GABRA2: variants seen among roughly 807,000 people sequenced by gnomAD.
GABRA2 encodes gamma-aminobutyric acid receptor subunit alpha-2.
A neutral mutation model predicts 48.7 loss-of-function variants in GABRA2; 16 were observed. That is an observed-to-expected ratio of 0.33 (90% CI 0.22 to 0.50). The LOEUF is 0.50. GABRA2 is among the 20% of genes least tolerant of loss of function. GABRA2 has a pLI of 0.98. For missense variants in GABRA2, 275 were observed against 535.6 expected (o/e 0.51, Z 4.80); for synonymous variants, 185 against 184.5 (o/e 1.00, Z -0.02).
intron 4 of GABRA2, among the ~76,000 whole-genome samples, chr4:46,328,929 C>G (rs551771915): frequency 1.3e-5 from 2 of 152,168 alleles, no homozygotes; most frequent in Non-Finnish European, 2.9e-5. Flanking sequence ...TCCTTTCTCT[C>G]CATAAAATGT....
chr4:46,342,373 A>G (rs575797406), intron 3 of GABRA2, among the ~76,000 whole-genome samples: 76 of 152,084 alleles, frequency 5.0e-4, no homozygotes, highest in African/African-American at 1.8e-3. Flanking sequence ...ACAGTCTCTT[A>G]AATCAGAAAT....
rs192320172 is a variant in GABRA2 at position 46,307,903 on chromosome 4, A to G, written c.560-2192T>C. 2.6e-5 allele frequency among the ~76,000 whole-genome samples: 4 copies of G among 152,300 alleles called. No homozygotes were observed. In the East Asian group the frequency reaches 7.7e-4, roughly 29 times the overall value. ...GCCTCTCCCGAAGAGGGCGAGTTAT[A>G]TACATTAACACACATATAAGCCGAG... On this transcript the variant is annotated intron_variant, in intron 6 of 9. Transcript: ENST00000381620.
chr4:46,347,328 C>A (rs954813080), intron 3 of GABRA2, among the ~76,000 whole-genome samples: 7 of 151,868 alleles, frequency 4.6e-5, no homozygotes, highest in Admixed American at 2.6e-4. Flanking sequence ...CACCACACTA[C>A]CTGACTTCAA....
intron 4 of GABRA2, among the ~76,000 whole-genome samples, chr4:46,313,179 A>T (rs1239249451): frequency 6.7e-6 from 1 of 150,178 alleles, no homozygotes; most frequent in South Asian, 2.1e-4. Flanking sequence ...AATTAAAAAG[A>T]AAAAACATAA....
intron 8 of GABRA2, among the ~76,000 whole-genome samples, chr4:46,274,842 T>C (rs1720169896): frequency 6.6e-6 from 1 of 152,058 alleles, no homozygotes; most frequent in Non-Finnish European, 1.5e-5. Context: ...ATAGCTTCCC[T>C]GTTATTTCTA....
At chr4:46,372,640 T>A (rs992793626) in intron 3 of GABRA2, among the ~76,000 whole-genome samples, 4 of 152,164 alleles carry the variant, frequency 2.6e-5, no homozygotes, top group Admixed American at 2.6e-4. Flanking sequence ...GGCAAACACA[T>A]CCCTAAATGA....
Position 46,250,450 on chromosome 4 carries a change from G to A in GABRA2, c.1214C>T (p.Ala405Val), listed in dbSNP as rs1187844488. 5.0e-6 allele frequency: 8 copies of A among 1,611,918 alleles called. No individual in the cohort carries two copies. The highest frequency in any genetic ancestry group is 6.8e-6 in the Non-Finnish European group (8 of 1,178,654). Residue 405 changes from alanine (A) to valine (V), a missense_variant, in exon 10 of 10, where the codon GCT becomes GTT. Around this residue, in one of 4 missense-constraint regions of GABRA2, gnomAD observed 99 missense variants for 124.3 expected, o/e 0.80. Transcript: ENST00000381620. ...ACTGTTGAAAGTTTTCTTTGCTTCA[G>A]CTGGCTTGTTTTCTGGCTTCTTGTT... The part of the protein sequence containing the change: ...EPNKKPENKP[A>V]EAKKTFNSVS...
rs943438927 is a variant in GABRA2, at chr4:46,329,203, C to A, written c.255+3412G>T. On this transcript the variant is annotated intron_variant, in intron 4 of 9. Transcript: ENST00000381620. ...TGTGTACTGCCTCTCAACTCCAAAT[C>A]CACCCTTCTTTCATTTCCTTTGTGA... Among the ~76,000 whole-genome samples, 19 of 152,072 alleles carry A rather than the reference C, an allele frequency of 1.2e-4. 1 individual carries two copies. Among genetic ancestry groups the A allele is most frequent in the Non-Finnish European group, 2.9e-5 (2 of 68,020 alleles).
intron 3 of GABRA2, among the ~76,000 whole-genome samples, chr4:46,378,277 G>A (rs1004906621): frequency 2.2e-4 from 33 of 152,304 alleles, no homozygotes; most frequent in Middle Eastern, 6.8e-3. Flanking sequence ...TGTAGAAAGA[G>A]GTAGACGTGG....
chr4:46,258,565 T>C (rs1716314835), intron 9 of GABRA2, among the ~76,000 whole-genome samples: 1 of 151,696 alleles, frequency 6.6e-6, no homozygotes, highest in Admixed American at 6.6e-5. Context: ...GAAAGCAGAA[T>C]TGACTGTCTT....
In GABRA2 at chr4:46,247,089, A is replaced by T. The variant is rs949726537; in HGVS notation, c.*3219T>A. Among the ~76,000 whole-genome samples, 7 of 151,288 alleles carry T rather than the reference A, an allele frequency of 4.6e-5. No individual in the cohort carries two copies. The highest frequency in any genetic ancestry group is 1.0e-4 in the Non-Finnish European group (7 of 67,532). On this transcript the variant is annotated 3_prime_UTR_variant, in exon 10 of 10. Transcript: ENST00000381620. ...AACTATGAACTATTTAAGAAAAAAA[A>T]TTTAGAAACATGGCTCAAGGGGATC...
At chr4:46,322,050 C>G (rs1729543359) in intron 4 of GABRA2, among the ~76,000 whole-genome samples, 1 of 151,890 alleles carries the variant, frequency 6.6e-6, no homozygotes, top group Non-Finnish European at 1.5e-5. Flanking sequence ...ACCAATAGAA[C>G]CAGTTCAGTA....
intron 3 of GABRA2, chr4:46,366,795 G>A (rs1056156887): frequency 6.6e-5 from 10 of 151,950 alleles, no homozygotes; most frequent in African/African-American, 1.7e-4. Flanking sequence ...AACTTTAAAC[G>A]GTTGGTATAA....
chr4:46,369,156 G>A, intron 3 of GABRA2: 1 of 560,314 alleles, frequency 1.8e-6, no homozygotes, highest in Non-Finnish European at 3.2e-6. Context: ...GTACTTCCTG[G>A]TCAAGCGGTT....
intron 3 of GABRA2, among the ~76,000 whole-genome samples, chr4:46,345,885 C>A (rs62304123): frequency 0.053 from 7,980 of 151,970 alleles, 289 homozygotes; most frequent in Non-Finnish European, 0.081. Context: ...TGTCTTCATC[C>A]CTGTAATTTA....
chr4:46,361,822 G>A (rs1010641741), intron 3 of GABRA2, among the ~76,000 whole-genome samples: 18 of 152,242 alleles, frequency 1.2e-4, no homozygotes, highest in African/African-American at 3.4e-4. Flanking sequence ...TTACCTGGAT[G>A]TGAGACATAG....
intron 8 of GABRA2, among the ~76,000 whole-genome samples, chr4:46,300,096 C>T (rs1725478689): frequency 6.6e-6 from 1 of 151,784 alleles, no homozygotes; most frequent in African/African-American, 2.4e-5. Context: ...TTCTTTATAG[C>T]TGTCTTAATC....
intron 4 of GABRA2, among the ~76,000 whole-genome samples, chr4:46,319,239 C>G (rs776301022): frequency 6.6e-6 from 1 of 151,740 alleles, no homozygotes; most frequent in Non-Finnish European, 1.5e-5. Context: ...GTACTTATAG[C>G]CAATTCCTGA....
At position 46,273,504 on chromosome 4, in the gene GABRA2, T is replaced by TATATATATATATATATATATATGC. The variant is rs1719852536; in HGVS notation, c.857-11377_857-11376insGCATATATATATATATATATATAT. On this transcript the variant is annotated intron_variant, in intron 8 of 9. Coordinates refer to ENST00000381620, the MANE Select transcript of GABRA2 (RefSeq NM_000807.4). ...ATATGCATATATATATATATATGCA[T>TATATATATATATATATATATATGC]ATATATATATATATATATATATATA... Among the ~76,000 whole-genome samples the TATATATATATATATATATATATGC allele has an allele frequency of 1.3e-3, 26 of 19,982 alleles. No individual in the cohort carries two copies. The East Asian group carries it at 0.014, about 11-fold the overall frequency. 13.1% of individuals were successfully genotyped at this position (19,982 alleles called of 152,430 possible).
Sources: allele counts gnomAD v4.1 joint callset (sites outside exome capture counted in the v4.1 genomes callset), GRCh38; gene constraint gnomAD v4.1.1; regional missense constraint gnomAD v4.1.1; transcripts MANE v1.5; gene names NCBI Gene and HGNC (gene_info 2026-07-23, HGNC 2026-07-21).